BORCS5: variants seen among roughly 807,000 people sequenced by gnomAD.
BORCS5 encodes BLOC-1 related complex subunit 5, also known as BLOC-1-related complex subunit 5.
Under a neutral mutation model 22.1 loss-of-function variants are expected in BORCS5, and 17 were observed. The ratio of observed to expected loss-of-function variants is 0.77; its 90% CI spans 0.53 to 1.15. BORCS5 has a LOEUF of 1.15. Ranked by LOEUF, BORCS5 falls within the 50% of genes most tolerant of loss-of-function variation. The pLI is 0.00. For synonymous variants in BORCS5, 117 were observed against 99.8 expected, an observed-to-expected ratio of 1.17 and a Z score of -1.03; for missense variants, 247 against 253.2, an observed-to-expected ratio of 0.98 and a Z score of 0.17.
intron 3 of BORCS5, chr12:12,452,177 A>G: frequency 1.7e-6 from 1 of 583,486 alleles, no homozygotes; most frequent in Non-Finnish European, 3.3e-6. Context: ...TCTCAGGAAG[A>G]TTCACATTTT....
At chr12:12,364,598 C>T (rs1315644456) in intron 2 of BORCS5, among the ~76,000 whole-genome samples, 2 of 48,300 alleles carry the variant, frequency 4.1e-5, no homozygotes, top group Admixed American at 3.3e-4. Flanking sequence ...AGCTGTAATT[C>T]GTTTTATGAT....
chr12:12,410,151 A>G (rs1318252053), intron 2 of BORCS5, among the ~76,000 whole-genome samples: 5 of 152,156 alleles, frequency 3.3e-5, no homozygotes, highest in Admixed American at 6.5e-5. Flanking sequence ...AGTAGGTTGC[A>G]AACATTTTCT....
chr12:12,423,048 C>T (rs1942181734), intron 2 of BORCS5, among the ~76,000 whole-genome samples: 1 of 151,726 alleles, frequency 6.6e-6, no homozygotes, highest in Admixed American at 6.6e-5. Flanking sequence ...GTCACCTAGG[C>T]TGGAGTGCAG....
intron 2 of BORCS5, among the ~76,000 whole-genome samples, chr12:12,386,304 C>G (rs1282663093): frequency 6.7e-6 from 1 of 148,258 alleles, no homozygotes; most frequent in African/African-American, 2.6e-5. Context: ...CCTGGCCCCC[C>G]ATTTGCTTTT....
rs144906206 is a variant in BORCS5, at chr12:12,417,099, A to C, written c.203-18529A>C. ...AGTCATCCTGCCCAGCCTAATGTAA[A>C]CATTGATAAATTTCCCCCTTAGCAT... is the stretch of plus-strand genomic sequence containing the variant. On this transcript the variant is annotated intron_variant, in intron 2 of 3. Transcript: ENST00000314565. Among the ~76,000 whole-genome samples the C allele has an allele frequency of 3.0e-3, 454 of 151,932 alleles. 3 individuals are homozygous for C. The highest frequency in any genetic ancestry group is 0.01 in the African/African-American group (431 of 41,448).
chr12:12,441,903 A>T (rs1942691017), intron 3 of BORCS5, among the ~76,000 whole-genome samples: 1 of 152,178 alleles, frequency 6.6e-6, no homozygotes, highest in African/African-American at 2.4e-5. Flanking sequence ...GTGGCAAACC[A>T]TTAGTCCTTG....
chr12:12,414,218 C>A (rs1941842585), intron 2 of BORCS5, among the ~76,000 whole-genome samples: 1 of 91,012 alleles, frequency 1.1e-5, no homozygotes, highest in African/African-American at 4.5e-5. Context: ...CTGACCCCCC[C>A]ACCTCCCTCC....
intron 2 of BORCS5, among the ~76,000 whole-genome samples, chr12:12,403,023 A>G (rs1306702358): frequency 6.6e-6 from 1 of 151,820 alleles, no homozygotes; most frequent in African/African-American, 2.4e-5. Context: ...TGGCTTGAGT[A>G]TACACAGTCC....
chr12:12,414,316 C>T (rs1422705512), intron 2 of BORCS5, among the ~76,000 whole-genome samples: 18 of 77,770 alleles, frequency 2.3e-4, no homozygotes, highest in African/African-American at 5.1e-4. Flanking sequence ...CCGGACGGGG[C>T]GGCTGGCCAG....
chr12:12,363,929 A>G (rs981911564), intron 2 of BORCS5, among the ~76,000 whole-genome samples: 3 of 152,130 alleles, frequency 2.0e-5, no homozygotes, highest in Admixed American at 1.3e-4. Flanking sequence ...ATAACTTTCA[A>G]CTTAGCCAAA....
chr12:12,416,195 T>G (rs1941948513), intron 2 of BORCS5, among the ~76,000 whole-genome samples: 1 of 152,184 alleles, frequency 6.6e-6, no homozygotes, highest in Non-Finnish European at 1.5e-5. Context: ...TTTTAGTATT[T>G]GAGTTGTCTC....
rs574276601 is a variant in BORCS5, at chr12:12,387,509, TTA to T, written c.202+26162_202+26163del. Among the ~76,000 whole-genome samples, 46 of 151,630 alleles carry T rather than the reference TTA, an allele frequency of 3.0e-4. 2 individuals are homozygous for T. The South Asian group carries it at 5.2e-3, about 17-fold the overall frequency. ...ATGAAAGTAACACGTGCTCATGATT[TTA>T]TGTCACTCAGCCCTCTGATCCGAAA... On this transcript the variant is annotated intron_variant, in intron 2 of 3. Coordinates refer to ENST00000314565, the MANE Select transcript of BORCS5 (RefSeq NM_058169.6).
At chr12:12,446,663 A>C (rs1565924136) in intron 3 of BORCS5, among the ~76,000 whole-genome samples, 1 of 152,232 alleles carries the variant, frequency 6.6e-6, no homozygotes, top group Non-Finnish European at 1.5e-5. Flanking sequence ...AGCAGCATTT[A>C]ATTTTCTTCT....
intron 2 of BORCS5, among the ~76,000 whole-genome samples, chr12:12,399,433 C>G (rs1941420911): frequency 6.6e-6 from 1 of 152,048 alleles, no homozygotes; most frequent in South Asian, 2.1e-4. Context: ...GGGTGGAGGT[C>G]AGGGTTGCAG....
At chr12:12,379,957 A>G (rs1863740759) in intron 2 of BORCS5, among the ~76,000 whole-genome samples, 1 of 151,084 alleles carries the variant, frequency 6.6e-6, no homozygotes, top group Non-Finnish European at 1.5e-5. Context: ...TCTTCCTTTC[A>G]CTTGAACACA....
At position 12,421,887 on chromosome 12, in the gene BORCS5, C is replaced by T. The variant is rs371497531; in HGVS notation, c.203-13741C>T. 7.2e-5 allele frequency among the ~76,000 whole-genome samples: 11 copies of T among 152,212 alleles called. No individual in the cohort carries two copies. The East Asian group carries it at 1.2e-3, about 16-fold the overall frequency. ...ATGATAGTTTGTATTTCTGTGGGAT[C>T]GGTGATGATATTCCCTTTATCATTT... On this transcript the variant is annotated intron_variant, in intron 2 of 3. Coordinates refer to ENST00000314565, the MANE Select transcript of BORCS5 (RefSeq NM_058169.6).
intron 3 of BORCS5, among the ~76,000 whole-genome samples, chr12:12,456,422 C>A (rs577149441): frequency 6.6e-6 from 1 of 152,296 alleles, no homozygotes; most frequent in South Asian, 2.1e-4. Context: ...CAGAGCGAGA[C>A]CCTGTCTCCA....
rs549873512 is a variant in BORCS5 at position 12,469,242 on chromosome 12, G to C, written c.*3466G>C. On this transcript the variant is annotated 3_prime_UTR_variant, in exon 4 of 4. Coordinates refer to ENST00000314565, the MANE Select transcript of BORCS5 (RefSeq NM_058169.6). The stretch of plus-strand genomic sequence containing the variant: ...ATGGTGGCTGGTGCCTGTAATCCCC[G>C]CTACTTGGGAGGCCAAGGTGGGAGA... The C allele has an allele frequency of 6.6e-6, 1 of 152,276 alleles. No homozygotes were observed. Among genetic ancestry groups the C allele is most frequent in the African/African-American group, 2.4e-5 (1 of 41,450 alleles). 9.4% of individuals were successfully genotyped at this position (152,276 alleles called of 1,614,324 possible). A position where few individuals can be genotyped will look rare whatever the true frequency, so the allele number is the denominator to read the frequency against.
chr12:12,456,078 A>G (rs1208760566), intron 3 of BORCS5, among the ~76,000 whole-genome samples: 2 of 152,218 alleles, frequency 1.3e-5, no homozygotes, highest in African/African-American at 4.8e-5. Flanking sequence ...CTAACTTAAA[A>G]TAAGCCCTTG....
Sources: allele counts gnomAD v4.1 joint callset (sites outside exome capture counted in the v4.1 genomes callset), GRCh38; gene constraint gnomAD v4.1.1; transcripts MANE v1.5; gene names NCBI Gene and HGNC (gene_info 2026-07-23, HGNC 2026-07-21).